The following KLF8 variants were observed in gnomAD, a reference collection of about 807,000 sequenced individuals.
KLF8 encodes the protein Krueppel-like factor 8.
Under a neutral mutation model 18.2 loss-of-function variants are expected in KLF8, and 10 were observed. The ratio of observed to expected loss-of-function variants is 0.55; its 90% CI spans 0.34 to 0.93. KLF8 has a LOEUF of 0.93. KLF8 is among the 40% of genes least tolerant of loss of function. The pLI, the probability that KLF8 is intolerant of heterozygous loss-of-function variation, is 0.02. For missense variants in KLF8, 264 were observed against 277.9 expected (o/e 0.95, Z 0.36); for synonymous variants, 109 against 97.3 (o/e 1.12, Z -0.71).
the KLF8 span, among the ~76,000 whole-genome samples, chrX:56,220,555 G>A: frequency 2.0e-4 from 22 of 109,975 alleles, no homozygotes; most frequent in African/African-American, 6.3e-4. Context: ...GCTTTATCTC[G>A]GCTCACTGCA....
the KLF8 span, among the ~76,000 whole-genome samples, chrX:56,136,439 A>T: frequency 9.0e-6 from 1 of 111,030 alleles, no homozygotes; most frequent in Admixed American, 9.6e-5. Context: ...GAGCCCTCAG[A>T]AATAACGCCG....
the KLF8 span, among the ~76,000 whole-genome samples, chrX:55,986,490 A>G: frequency 8.9e-6 from 1 of 111,849 alleles, no homozygotes; most frequent in Non-Finnish European, 1.9e-5. Context: ...CAAATTGATC[A>G]TGGTGGATAA....
At chrX:56,129,111 C>A in the KLF8 span, among the ~76,000 whole-genome samples, 25 of 111,989 alleles carry the variant, frequency 2.2e-4, no homozygotes, top group African/African-American at 6.5e-4. Context: ...TAATCAGTTG[C>A]AAAATGAAAA....
At chrX:56,018,137 T>C in the KLF8 span, among the ~76,000 whole-genome samples, 24 of 111,576 alleles carry the variant, frequency 2.2e-4, no homozygotes, top group Non-Finnish European at 4.0e-4. Context: ...TTATTTCTTC[T>C]ATCTAACTGT....
At chrX:56,154,236 G>C in the KLF8 span, among the ~76,000 whole-genome samples, 2 of 111,133 alleles carry the variant, frequency 1.8e-5, no homozygotes, top group Non-Finnish European at 3.8e-5. Context: ...AAACAGCATG[G>C]TACTGGTACC....
chrX:56,180,974 A>C, the KLF8 span, among the ~76,000 whole-genome samples: 19 of 111,658 alleles, frequency 1.7e-4, no homozygotes, highest in African/African-American at 6.2e-4. Flanking sequence ...TGTGTCTGTT[A>C]GGTCTGCTTG....
chrX:56,227,761 T>A (rs187223204), upstream of KLF8, among the ~76,000 whole-genome samples: 34 of 110,726 alleles, frequency 3.1e-4, 1 homozygote, highest in East Asian at 9.6e-3. Context: ...TGGTTTGACT[T>A]GATTGTTGAT....
chrX:56,052,944 G>T, the KLF8 span, among the ~76,000 whole-genome samples: 1 of 111,868 alleles, frequency 8.9e-6, no homozygotes. Context: ...GACCCTCCGA[G>T]CCAGGTGTGG....
intron 1 of KLF8, among the ~76,000 whole-genome samples, chrX:56,238,170 G>A (rs998223833): frequency 2.7e-5 from 3 of 111,737 alleles, no homozygotes; most frequent in African/African-American, 6.5e-5. Flanking sequence ...TTCAAAATCA[G>A]ATTTCCCTTA....
chrX:56,168,496 AAT>A, the KLF8 span, among the ~76,000 whole-genome samples: 1 of 112,335 alleles, frequency 8.9e-6, no homozygotes. Context: ...AACATAAAAA[AAT>A]AGTCTTTTTT....
chrX:56,198,035 A>G, the KLF8 span, among the ~76,000 whole-genome samples: 2 of 112,309 alleles, frequency 1.8e-5, no homozygotes, highest in African/African-American at 6.5e-5. Flanking sequence ...ACAAAATTCA[A>G]CAGCCTTCCA....
intron 2 of KLF8, among the ~76,000 whole-genome samples, chrX:56,264,315 A>T (rs1351856144): frequency 9.0e-6 from 1 of 110,894 alleles, no homozygotes; most frequent in African/African-American, 3.3e-5. Flanking sequence ...TAAACTAATA[A>T]ATGTATTTAT....
the KLF8 span, among the ~76,000 whole-genome samples, chrX:56,100,518 C>CA: frequency 8.9e-6 from 1 of 111,769 alleles, no homozygotes; most frequent in Non-Finnish European, 1.9e-5. Flanking sequence ...TGGATCTTAG[C>CA]AAAGTAAATG....
chrX:56,191,747 G>T, the KLF8 span, among the ~76,000 whole-genome samples: 1 of 111,002 alleles, frequency 9.0e-6, no homozygotes, highest in Non-Finnish European at 1.9e-5. Context: ...TTCAATTGAT[G>T]CTAAAAATGC....
At chrX:55,966,061 G>A in the KLF8 span, among the ~76,000 whole-genome samples, 1 of 112,326 alleles carries the variant, frequency 8.9e-6, no homozygotes, top group Non-Finnish European at 1.9e-5. Context: ...TGTGGAAGAA[G>A]GAGGCAAGAG....
the KLF8 span, among the ~76,000 whole-genome samples, chrX:56,140,039 A>T: frequency 8.9e-6 from 1 of 112,199 alleles, no homozygotes; most frequent in Non-Finnish European, 1.9e-5. Context: ...AGAAATACAA[A>T]TCAAAACCAC....
At position 56,233,417 on chromosome X, in the gene KLF8, G is replaced by A. The variant is rs139987109; in HGVS notation, c.7+76G>A. 9.5e-4 allele frequency: 759 copies of A among 800,671 alleles called. 5 individuals are homozygous for A. In the African/African-American group the frequency reaches 0.014, roughly 14 times the overall value. 66.0% of individuals were successfully genotyped at this position (800,671 alleles called of 1,213,427 possible). A position where few individuals can be genotyped will look rare whatever the true frequency, so the allele number is the denominator to read the frequency against. On this transcript the variant is annotated intron_variant, in intron 1 of 5. Transcript: ENST00000468660. The stretch of plus-strand genomic sequence containing the variant: ...ATTCTATCCCCCTCCCAGTCCCCCT[G>A]CTCCCCCCACACACCCCACTTGGGG...
the KLF8 span, among the ~76,000 whole-genome samples, chrX:56,111,353 C>A: frequency 9.0e-6 from 1 of 111,496 alleles, no homozygotes; most frequent in Non-Finnish European, 1.9e-5. Context: ...GTTCATTGGC[C>A]TTCTGGATGT....
chrX:55,926,844 C>T, the KLF8 span, among the ~76,000 whole-genome samples: 2 of 110,179 alleles, frequency 1.8e-5, no homozygotes, highest in African/African-American at 3.3e-5. Context: ...AATTATAGTT[C>T]AGTTGAAGCT....
Sources: gnomAD v4.1 joint callset for allele counts (sites outside exome capture counted in the v4.1 genomes callset) on GRCh38, gnomAD v4.1.1 for gene constraint, MANE v1.5 for transcripts, NCBI Gene and HGNC (gene_info 2026-07-23, HGNC 2026-07-21) for gene names.